PCDHGA5: variants seen among roughly 807,000 people sequenced by gnomAD.
The protein encoded by PCDHGA5 is protocadherin gamma subfamily A, 5, also known as protocadherin gamma-A5.
In PCDHGA5, 36 loss-of-function variants were observed where a neutral mutation model predicts 56.7. That is an observed-to-expected ratio of 0.64 (90% confidence interval 0.49 to 0.84). PCDHGA5 has a LOEUF of 0.84. Ranked by LOEUF, PCDHGA5 falls within the 40% of genes least tolerant of loss-of-function variation. The probability of loss-of-function intolerance (pLI) is 0.00; values close to 1 mark genes in which losing one functional copy is unlikely to be tolerated. For synonymous variants in PCDHGA5, 563 were observed against 520.2 expected (o/e 1.08, Z -1.12); for missense variants, 1,305 against 1,201.5 (o/e 1.09, Z -1.27).
At chr5:141,510,155 C>G (rs1044168112) in intron 3 of PCDHGA5, among the ~76,000 whole-genome samples, 2 of 151,942 alleles carry the variant, frequency 1.3e-5, no homozygotes, top group African/African-American at 4.8e-5. Context: ...CACCTGTAAT[C>G]TCAGCTACTC....
chr5:141,369,242 A>G (rs1766108609), intron 1 of PCDHGA5, among the ~76,000 whole-genome samples: 1 of 152,200 alleles, frequency 6.6e-6, no homozygotes, highest in South Asian at 2.1e-4. Flanking sequence ...TTACTTATAT[A>G]ATTAAATAAT....
chr5:141,369,897 C>G (rs988616109), intron 1 of PCDHGA5, among the ~76,000 whole-genome samples: 1 of 152,098 alleles, frequency 6.6e-6, no homozygotes, highest in Non-Finnish European at 1.5e-5. Context: ...ATTATTATGA[C>G]CATTTTATGA....
chr5:141,437,058 T>C (rs539776847), intron 1 of PCDHGA5, among the ~76,000 whole-genome samples: 2 of 152,246 alleles, frequency 1.3e-5, no homozygotes, highest in Non-Finnish European at 2.9e-5. Context: ...CTGGTGATCA[T>C]TATTTGGTTT....
rs994726301 is a variant in PCDHGA5, at chr5:141,476,632, T to C, written c.2422-18175T>C. ...TGGGAAGCAACTCTTTACAAACCTA[T>C]GAGCTGAGCCGAAATGAATACTTTG... On this transcript the variant is annotated intron_variant, in intron 1 of 3. Transcript: ENST00000518069. The surrounding 1 kb of genome is among the most constrained non-coding windows in gnomAD (Gnocchi z 7.6). The C allele has an allele frequency of 8.7e-6, 14 of 1,614,098 alleles. No homozygotes were observed. Among genetic ancestry groups the C allele is most frequent in the Admixed American group, 1.7e-5 (1 of 60,016 alleles).
Position 141,366,534 on chromosome 5 carries a change from T to C in PCDHGA5, c.2204T>C (p.Val735Ala), listed in dbSNP as rs1383417034. 1.2e-6 allele frequency: 2 copies of C among 1,614,264 alleles called. No individual in the cohort carries two copies. The highest frequency in any genetic ancestry group is 1.7e-6 in the Non-Finnish European group (2 of 1,180,046). The change falls in exon 1 of 4, where the codon GTG (valine) becomes GCG (alanine). Residue 735 changes from valine (V) to alanine (A), a missense_variant. Physicochemically the swap from Val to Ala is moderately conservative, Grantham distance 64. Coordinates refer to ENST00000518069, the MANE Select transcript of PCDHGA5 (RefSeq NM_018918.3). ...GCTGAAGGCAGCAGGTTGGCGGGTG[T>C]GCCCGCCTCGCACTTTGTGGGCGTG... ...LQAEGSRLAG[V>A]PASHFVGVDG...
intron 1 of PCDHGA5, among the ~76,000 whole-genome samples, chr5:141,380,852 C>T (rs1429709070): frequency 1.3e-5 from 2 of 152,300 alleles, no homozygotes; most frequent in African/African-American, 4.8e-5. Flanking sequence ...TGGATCAAGA[C>T]ATTGAGAGCT....
intron 2 of PCDHGA5, among the ~76,000 whole-genome samples, chr5:141,495,725 C>G (rs1339925752): frequency 1.3e-5 from 2 of 151,986 alleles, no homozygotes; most frequent in African/African-American, 4.8e-5. Flanking sequence ...TACACGGGAC[C>G]CTTAGTCTCT....
chr5:141,506,061 G>A (rs1260513343), intron 3 of PCDHGA5, among the ~76,000 whole-genome samples: 2 of 152,144 alleles, frequency 1.3e-5, no homozygotes, highest in Non-Finnish European at 2.9e-5. Flanking sequence ...GGTTGACTAA[G>A]GGCTTCCTTT....
intron 1 of PCDHGA5, chr5:141,429,155 G>A (rs115622025): frequency 0.044 from 6,389 of 145,752 alleles, 216 homozygotes; most frequent in African/African-American, 0.099. Flanking sequence ...CACCCGGCCC[G>A]GAGACATTGT....
At chr5:141,371,561 C>G (rs2240697) in intron 1 of PCDHGA5, 742,014 of 1,613,358 alleles carry the variant, frequency 0.46, 178,763 homozygotes, top group African/African-American at 0.84. Flanking sequence ...TAAAAGGAAA[C>G]TTCCCCTTTA....
At chr5:141,415,656 T>C (rs1211470385) in intron 1 of PCDHGA5, 9 of 1,585,542 alleles carry the variant, frequency 5.7e-6, no homozygotes, top group African/African-American at 1.4e-5. Flanking sequence ...AAAAAAAGAT[T>C]GGTTTTTACT....
At chr5:141,396,797 T>C (rs1043872860) in intron 1 of PCDHGA5, among the ~76,000 whole-genome samples, 1 of 152,182 alleles carries the variant, frequency 6.6e-6, no homozygotes, top group Non-Finnish European at 1.5e-5. Context: ...TTCCTAAGGA[T>C]TGTGTAGTGT....
Position 141,404,273 on chromosome 5 carries a change from C to A in PCDHGA5, c.2421+37522C>A, listed in dbSNP as rs751189949. 4.3e-6 allele frequency: 7 copies of A among 1,613,988 alleles called. No homozygotes were observed. The highest frequency in any genetic ancestry group is 5.9e-6 in the Non-Finnish European group (7 of 1,179,880). On this transcript the variant is annotated intron_variant, in intron 1 of 3. Coordinates refer to ENST00000518069, the MANE Select transcript of PCDHGA5 (RefSeq NM_018918.3). ...GTCCACAGAAATTCACATCACCCTG[C>A]AAGTGACTGACATCAATGATAATCC...
chr5:141,395,654 A>G (rs1462491005), intron 1 of PCDHGA5: 1 of 164,436 alleles, frequency 6.1e-6, no homozygotes, highest in Admixed American at 6.1e-5. Context: ...AGCTTAGCAA[A>G]AGTAAAATAT....
At chr5:141,395,085 T>C (rs2093165281) in intron 1 of PCDHGA5, 1 of 1,614,026 alleles carries the variant, frequency 6.2e-7, no homozygotes, top group South Asian at 1.1e-5. Flanking sequence ...CCAGGAAGTC[T>C]CCCTCACCGC....
At chr5:141,413,355 C>G in intron 1 of PCDHGA5, 1 of 1,613,952 alleles carries the variant, frequency 6.2e-7, no homozygotes, top group Non-Finnish European at 8.5e-7. Context: ...GTCTGGCGCC[C>G]CGGGAGCTGG....
chr5:141,442,561 G>C (rs2098332268), intron 1 of PCDHGA5: 1 of 152,198 alleles, frequency 6.6e-6, no homozygotes, highest in African/African-American at 2.4e-5. Context: ...ACTAAGTTCA[G>C]TCACAAGCAG....
chr5:141,374,534 C>G lies in PCDHGA5; in HGVS notation c.2421+7783C>G, dbSNP rs868822562. The G allele has an allele frequency of 3.7e-6, 6 of 1,613,096 alleles. No homozygotes were observed. Among genetic ancestry groups the G allele is most frequent in the Admixed American group, 3.3e-5 (2 of 60,024 alleles). On this transcript the variant is annotated intron_variant, in intron 1 of 3. Transcript: ENST00000518069. ...TCTCGAAAACGCAGCTCCATCCTCT[C>G]GTTTTCCACTAATGGAGGTCTATGA...
chr5:141,421,923 G>T (rs2096611568), intron 1 of PCDHGA5: 1 of 1,613,590 alleles, frequency 6.2e-7, no homozygotes. Flanking sequence ...TTCGTGTGGT[G>T]GTCCTCGATG....
Sources: gnomAD v4.1 joint callset for allele counts (sites outside exome capture counted in the v4.1 genomes callset) on GRCh38, gnomAD v4.1.1 for gene constraint, Gnocchi (gnomAD v3.1) non-coding constraint, MANE v1.5 for transcripts, NCBI Gene and HGNC (gene_info 2026-07-23, HGNC 2026-07-21) for gene names.